The following TEAD1 variants were observed in gnomAD, a reference collection of about 807,000 sequenced individuals.
The protein encoded by TEAD1 is TEA domain transcription factor 1, also known as transcriptional enhancer factor TEF-1.
TEAD1 carries 9 observed loss-of-function variants against 54.9 expected under a neutral mutation model. The ratio of observed to expected loss-of-function variants is 0.16; its 90% confidence interval spans 0.10 to 0.29. The LOEUF (loss-of-function observed/expected upper bound fraction) is 0.29. TEAD1 is among the 10% of genes least tolerant of loss of function. TEAD1 has a pLI of 1.00. For synonymous variants in TEAD1, 200 were observed against 187.8 expected (o/e 1.07, Z -0.53); for missense variants, 387 against 535.9 (o/e 0.72, Z 2.74).
intron 2 of TEAD1, among the ~76,000 whole-genome samples, chr11:12,734,027 C>T (rs893468066): frequency 6.6e-6 from 1 of 152,186 alleles, no homozygotes; most frequent in African/African-American, 2.4e-5. Context: ...TCAAGTGACC[C>T]TCCTGCTTCA....
intron 3 of TEAD1, among the ~76,000 whole-genome samples, chr11:12,823,127 T>A (rs183802730): frequency 5.9e-5 from 9 of 152,356 alleles, no homozygotes; most frequent in Admixed American, 5.9e-4. Context: ...AGAGAGCATC[T>A]GTCCTGGTTC....
At chr11:12,814,870 T>TCTGTGTGTGTGTGC (rs1946384002) in intron 3 of TEAD1, among the ~76,000 whole-genome samples, 1 of 151,270 alleles carries the variant, frequency 6.6e-6, no homozygotes, top group African/African-American at 2.4e-5. Context: ...TGTGTGTGTG[T>TCTGTGTGTGTGTGC]CTGTGTGTGT....
chr11:12,898,653 C>T (rs894264923), intron 9 of TEAD1, among the ~76,000 whole-genome samples: 1 of 152,170 alleles, frequency 6.6e-6, no homozygotes, highest in Non-Finnish European at 1.5e-5. Context: ...CCTCAGCCTC[C>T]CAAGTGCTGG....
chr11:12,912,806 A>G (rs1398884222), intron 10 of TEAD1, among the ~76,000 whole-genome samples: 1 of 152,104 alleles, frequency 6.6e-6, no homozygotes, highest in African/African-American at 2.4e-5. Context: ...AATCTCTTGC[A>G]TTGGGAGTTG....
intron 10 of TEAD1, among the ~76,000 whole-genome samples, chr11:12,916,609 T>A (rs1276169616): frequency 6.6e-6 from 1 of 152,218 alleles, no homozygotes; most frequent in Non-Finnish European, 1.5e-5. Flanking sequence ...AAACACATCA[T>A]CTTCCCTGTG....
chr11:12,734,791 T>A (rs879464296), intron 2 of TEAD1, among the ~76,000 whole-genome samples: 2 of 152,226 alleles, frequency 1.3e-5, no homozygotes, highest in Non-Finnish European at 2.9e-5. Flanking sequence ...CCATGTAGGT[T>A]TGTGTAACTG....
chr11:12,943,303 G>A lies in TEAD1; in HGVS notation c.*6081G>A, dbSNP rs1208004441. ...CTATACCACAGTGTGGAAGAAATTA[G>A]TCAAATGCTTGTTTTCCTGCTTCTC... On this transcript the variant is annotated 3_prime_UTR_variant, in exon 13 of 13. Coordinates refer to ENST00000527636, the MANE Select transcript of TEAD1 (RefSeq NM_021961.6). 2 of 152,638 alleles carry A rather than the reference G, an allele frequency of 1.3e-5. No individual in the cohort carries two copies. The highest frequency in any genetic ancestry group is 1.3e-4 in the Admixed American group (2 of 15,280). The allele number at this position is 152,638 out of a possible 1,614,324, so 9.5% of individuals were successfully genotyped here.
intron 3 of TEAD1, among the ~76,000 whole-genome samples, chr11:12,852,413 G>GC (rs1167347644): frequency 6.6e-6 from 1 of 151,446 alleles, no homozygotes; most frequent in African/African-American, 2.4e-5. Flanking sequence ...GTTGGGGGCA[G>GC]CAAGTTCAGG....
At chr11:12,792,301 G>A (rs1270600448) in intron 3 of TEAD1, among the ~76,000 whole-genome samples, 1 of 140,878 alleles carries the variant, frequency 7.1e-6, no homozygotes. Context: ...TTGGGGGTGA[G>A]AAGGGTAAAG....
intron 3 of TEAD1, among the ~76,000 whole-genome samples, chr11:12,847,407 C>G (rs1048928485): frequency 2.0e-5 from 3 of 150,372 alleles, no homozygotes; most frequent in African/African-American, 7.3e-5. Context: ...GCAGACCCAG[C>G]CCACTGCTGG....
At chr11:12,918,918 A>G (rs896119967) in intron 10 of TEAD1, among the ~76,000 whole-genome samples, 1 of 152,326 alleles carries the variant, frequency 6.6e-6, no homozygotes, top group Admixed American at 6.5e-5. Context: ...AAGTTCAGAA[A>G]CCAGACAAAA....
At chr11:12,873,145 C>T (rs1947787787) in intron 5 of TEAD1, among the ~76,000 whole-genome samples, 1 of 152,154 alleles carries the variant, frequency 6.6e-6, no homozygotes, top group Non-Finnish European at 1.5e-5. Flanking sequence ...TCCACTGAGC[C>T]CTCTTCATTG....
At chr11:12,776,632 C>T (rs1045674786) in intron 3 of TEAD1, among the ~76,000 whole-genome samples, 16 of 151,858 alleles carry the variant, frequency 1.1e-4, no homozygotes, top group African/African-American at 3.6e-4. Flanking sequence ...TGTGTTTGAT[C>T]GGCTTGATAG....
chr11:12,762,535 G>C (rs1433211737), intron 2 of TEAD1, among the ~76,000 whole-genome samples: 1 of 152,142 alleles, frequency 6.6e-6, no homozygotes, highest in South Asian at 2.1e-4. Flanking sequence ...ACATATGTTG[G>C]TAAGAGGTAG....
intron 12 of TEAD1, among the ~76,000 whole-genome samples, chr11:12,933,043 T>A (rs184589302): frequency 1.6e-4 from 24 of 152,282 alleles, no homozygotes; most frequent in African/African-American, 5.8e-4. Flanking sequence ...AGCCTAGGTG[T>A]GTAGTAGGCT....
At chr11:12,885,193 G>A (rs1356377210) in intron 9 of TEAD1, among the ~76,000 whole-genome samples, 2 of 150,178 alleles carry the variant, frequency 1.3e-5, no homozygotes, top group South Asian at 2.1e-4. Flanking sequence ...TTTCACTATC[G>A]TAAAAGATCA....
chr11:12,786,674 A>C (rs1338627660), intron 3 of TEAD1, among the ~76,000 whole-genome samples: 1 of 152,194 alleles, frequency 6.6e-6, no homozygotes, highest in Non-Finnish European at 1.5e-5. Context: ...GATATGTCAG[A>C]TGCCACTCTA....
chr11:12,807,222 G>A (rs1463585289), intron 3 of TEAD1, among the ~76,000 whole-genome samples: 1 of 152,286 alleles, frequency 6.6e-6, no homozygotes, highest in African/African-American at 2.4e-5. Flanking sequence ...ATCCCATGAG[G>A]TTTTCAAGGA....
chr11:12,794,159 C>T (rs1437867827), intron 3 of TEAD1, among the ~76,000 whole-genome samples: 2 of 152,220 alleles, frequency 1.3e-5, no homozygotes, highest in African/African-American at 4.8e-5. Flanking sequence ...TAGGTATGAG[C>T]TGTGTAACCC....
Sources: gnomAD v4.1 joint callset for allele counts (sites outside exome capture counted in the v4.1 genomes callset) on GRCh38, gnomAD v4.1.1 for gene constraint, MANE v1.5 for transcripts, NCBI Gene and HGNC (gene_info 2026-07-23, HGNC 2026-07-21) for gene names.